USP32: variants seen among roughly 807,000 people sequenced by gnomAD.
USP32 encodes the protein ubiquitin specific peptidase 32.
In USP32, 59 loss-of-function variants were observed where a neutral mutation model predicts 204.8. The ratio of observed to expected loss-of-function variants is 0.29; its 90% CI spans 0.23 to 0.36. The LOEUF (loss-of-function observed/expected upper bound fraction) is 0.36. Ranked by LOEUF, USP32 falls within the 10% of genes least tolerant of loss-of-function variation. The pLI, the probability that USP32 is intolerant of heterozygous loss-of-function variation, is 1.00. For synonymous variants in USP32, 517 were observed against 678.4 expected, an observed-to-expected ratio of 0.76 and a Z score of 3.70; for missense variants, 1,160 against 1,946.4, an observed-to-expected ratio of 0.60 and a Z score of 7.60.
At chr17:60,306,498 C>T (rs1161350468) in intron 2 of USP32, among the ~76,000 whole-genome samples, 1 of 151,866 alleles carries the variant, frequency 6.6e-6, no homozygotes, top group Non-Finnish European at 1.5e-5. Context: ...ATTAGCTGGG[C>T]GTTGTGGTGG....
intron 1 of USP32, among the ~76,000 whole-genome samples, chr17:60,415,102 T>C (rs1417002799): frequency 6.6e-6 from 1 of 152,168 alleles, no homozygotes; most frequent in Non-Finnish European, 1.5e-5. Context: ...GAGGGTGGTA[T>C]CCAGCAGGTC....
chr17:60,382,516 A>G (rs1424597291), intron 1 of USP32, among the ~76,000 whole-genome samples: 5 of 152,060 alleles, frequency 3.3e-5, no homozygotes, highest in Non-Finnish European at 5.9e-5. Flanking sequence ...CTAAGAAAAG[A>G]GGGAGGGAAG....
intron 1 of USP32, among the ~76,000 whole-genome samples, chr17:60,348,866 G>C (rs1290971759): frequency 6.6e-6 from 1 of 152,112 alleles, no homozygotes; most frequent in Admixed American, 6.6e-5. Flanking sequence ...CAGCAACATA[G>C]AGTAATGATA....
chr17:60,349,614 TATATATATATTA>T (rs1235805672), intron 1 of USP32, among the ~76,000 whole-genome samples: 27 of 69,862 alleles, frequency 3.9e-4, no homozygotes, highest in African/African-American at 2.9e-3. Flanking sequence ...TATATATATA[TATATATATATTA>T]TATATATATA....
chr17:60,326,917 T>TAAA (rs944518470), intron 2 of USP32, among the ~76,000 whole-genome samples: 1 of 152,146 alleles, frequency 6.6e-6, no homozygotes, highest in African/African-American at 2.4e-5. Flanking sequence ...ACGTAGATGC[T>TAAA]AAAAAAGTTG....
intron 1 of USP32, among the ~76,000 whole-genome samples, chr17:60,412,875 GAGGAAATCATT>G (rs1211733650): frequency 1.3e-5 from 2 of 152,158 alleles, no homozygotes; most frequent in African/African-American, 4.8e-5. Context: ...AAAGAGCCAA[GAGGAAATCATT>G]AGGCCCCAGC....
chr17:60,397,362 A>AGTT (rs752519600), intron 1 of USP32, among the ~76,000 whole-genome samples: 2 of 151,888 alleles, frequency 1.3e-5, no homozygotes, highest in Non-Finnish European at 2.9e-5. Flanking sequence ...GGCTTTTTCC[A>AGTT]GTTGTTGTTG....
At chr17:60,222,920 G>A (rs569645732) in intron 14 of USP32, among the ~76,000 whole-genome samples, 4 of 152,020 alleles carry the variant, frequency 2.6e-5, no homozygotes, top group African/African-American at 7.2e-5. Context: ...AACCTCAGGT[G>A]ATCTGCCCAC....
At chr17:60,238,912 G>C (rs536551875) in intron 11 of USP32, among the ~76,000 whole-genome samples, 11 of 151,942 alleles carry the variant, frequency 7.2e-5, no homozygotes, top group African/African-American at 2.7e-4. Context: ...AGCTGTGATG[G>C]TGCCACTGCA....
intron 11 of USP32, among the ~76,000 whole-genome samples, chr17:60,241,275 A>C (rs1056756296): frequency 1.3e-5 from 2 of 152,162 alleles, no homozygotes; most frequent in African/African-American, 4.8e-5. Context: ...CTGGGATTAC[A>C]GGTGTGAGCC....
intron 1 of USP32, among the ~76,000 whole-genome samples, chr17:60,384,092 T>C (rs945429609): frequency 1.3e-5 from 2 of 152,182 alleles, no homozygotes; most frequent in African/African-American, 2.4e-5. Context: ...TAAGGGGATA[T>C]GGTCAGAAAG....
chr17:60,394,204 C>T (rs2089883440), upstream of USP32, among the ~76,000 whole-genome samples: 1 of 152,196 alleles, frequency 6.6e-6, no homozygotes, highest in African/African-American at 2.4e-5. Flanking sequence ...AGGCAAAACA[C>T]CTCAGTCATC....
Position 60,205,622 on chromosome 17 carries a change from G to A in USP32, c.3074C>T (p.Thr1025Ile). The change falls in exon 26 of 34, where the codon ACC becomes ATC. Residue 1025 changes from threonine (T) to isoleucine (I), a missense_variant. By Grantham distance (89) the Thr-to-Ile change is moderately conservative. This residue lies in a region of USP32 where 47 missense variants were observed against 71.1 expected (regional missense o/e 0.66). Coordinates refer to ENST00000300896, the MANE Select transcript of USP32 (RefSeq NM_032582.4). ...SSSPSTNEMF[T>I]LTTNGDLPRP... ...GGGTAGGTCCCCATTGGTAGTTAGG[G>A]TGAACATTTCATTTGTAGATGGCGA... The A allele has an allele frequency of 1.9e-6, 3 of 1,613,928 alleles. No homozygotes were observed. The highest frequency in any genetic ancestry group is 2.2e-5 in the East Asian group (1 of 44,866).
At chr17:60,284,238 A>T (rs2087049872) in intron 5 of USP32, among the ~76,000 whole-genome samples, 1 of 145,392 alleles carries the variant, frequency 6.9e-6, no homozygotes, top group African/African-American at 2.5e-5. Flanking sequence ...TTTTGAGACC[A>T]AGTCTCGCCC....
chr17:60,378,779 A>G (rs2089596841), intron 1 of USP32, among the ~76,000 whole-genome samples: 2 of 152,184 alleles, frequency 1.3e-5, no homozygotes, highest in South Asian at 4.1e-4. Context: ...GGGCTGGGGA[A>G]AAAAAGGGAT....
At chr17:60,269,415 G>A (rs2086674311) in intron 7 of USP32, 35 bp downstream of exon 7, 1 of 1,519,948 alleles carries the variant, frequency 6.6e-7, no homozygotes, top group Non-Finnish European at 9.0e-7. Flanking sequence ...TCTCTACATA[G>A]TTTGCAATTT....
At chr17:60,234,116 ATT>A (rs151158730) in intron 12 of USP32, among the ~76,000 whole-genome samples, 6 of 141,732 alleles carry the variant, frequency 4.2e-5, no homozygotes, top group Admixed American at 7.1e-5. Context: ...AGCATGACTA[ATT>A]TTTTTTTTTT....
chr17:60,375,616 G>C (rs748858005), intron 1 of USP32, among the ~76,000 whole-genome samples: 19 of 150,660 alleles, frequency 1.3e-4, no homozygotes, highest in Non-Finnish European at 2.5e-4. Flanking sequence ...TTGTTTGTTT[G>C]TTTTTGTGAT....
At chr17:60,270,705 C>T (rs2086703354) in intron 6 of USP32, among the ~76,000 whole-genome samples, 1 of 151,852 alleles carries the variant, frequency 6.6e-6, no homozygotes, top group South Asian at 2.1e-4. Context: ...TTCCTGTAAT[C>T]CCAGCTACTT....
Sources: gnomAD v4.1 joint callset for allele counts (sites outside exome capture counted in the v4.1 genomes callset) on GRCh38, gnomAD v4.1.1 for gene constraint, gnomAD v4.1.1 regional missense constraint, MANE v1.5 for transcripts, NCBI Gene and HGNC (gene_info 2026-07-23, HGNC 2026-07-21) for gene names.